Variants in TULP4 observed in about 807,000 individuals in gnomAD.
TULP4 encodes tubby-related protein 4.
A neutral mutation model predicts 129.0 loss-of-function variants in TULP4; 16 were observed. That is an observed-to-expected ratio of 0.12 (90% CI 0.08 to 0.19). The LOEUF (loss-of-function observed/expected upper bound fraction) is 0.19. Ranked by LOEUF, TULP4 falls within the 10% of genes least tolerant of loss-of-function variation. The pLI, the probability that TULP4 is intolerant of heterozygous loss-of-function variation, is 1.00. For missense variants in TULP4, 1,842 were observed against 2,059.1 expected, an observed-to-expected ratio of 0.89 and a Z score of 2.04; for synonymous variants, 998 against 854.0, an observed-to-expected ratio of 1.17 and a Z score of -2.94.
chr6:158,330,745 A>C (rs1419690010), intron 1 of TULP4, among the ~76,000 whole-genome samples: 1 of 152,208 alleles, frequency 6.6e-6, no homozygotes, highest in Non-Finnish European at 1.5e-5. Context: ...CACAGGATAC[A>C]GTTTAGGACC....
Position 158,487,588 on chromosome 6 carries a change from A to C in TULP4, c.1487-2000A>C, listed in dbSNP as rs117516717. On this transcript the variant is annotated intron_variant, in intron 8 of 13. Coordinates refer to ENST00000367097, the MANE Select transcript of TULP4 (RefSeq NM_020245.5). Reference sequence around the variant, plus strand: ...CCCAGCTTACATTTTTCTACGACTTAGATGTTTTTCCAGAACAGCCATGAT... The same window carrying C: ...CCCAGCTTACATTTTTCTACGACTTCGATGTTTTTCCAGAACAGCCATGAT... Among the ~76,000 whole-genome samples the C allele has an allele frequency of 2.8e-3, 424 of 152,368 alleles. 2 individuals carry two copies. Among genetic ancestry groups the C allele is most frequent in the Non-Finnish European group, 4.5e-3 (303 of 68,036 alleles).
At chr6:158,485,334 C>T (rs907385144) in intron 8 of TULP4, among the ~76,000 whole-genome samples, 43 of 152,116 alleles carry the variant, frequency 2.8e-4, no homozygotes, top group African/African-American at 1.0e-3. Flanking sequence ...TTAGACTATT[C>T]ATATTGCAAA....
rs1309955354 is a variant in TULP4 at position 158,508,431 on chromosome 6, C to A, written c.*1737C>A. On this transcript the variant is annotated 3_prime_UTR_variant, in exon 14 of 14. Transcript: ENST00000367097. ...CAGATCAAGATGACATGACATCACT[C>A]CCAATTCTCTCCAAACCCCAGAGAA... 6.6e-6 allele frequency: 1 copy of A among 152,198 alleles called. No individual in the cohort carries two copies. The highest frequency in any genetic ancestry group is 1.5e-5 in the Non-Finnish European group (1 of 68,032). 9.4% of individuals were successfully genotyped at this position (152,198 alleles called of 1,614,324 possible). A position where few individuals can be genotyped will look rare whatever the true frequency, so the allele number is the denominator to read the frequency against.
intron 1 of TULP4, among the ~76,000 whole-genome samples, chr6:158,297,415 A>G (rs1224540026): frequency 6.6e-6 from 1 of 152,192 alleles, no homozygotes; most frequent in East Asian, 1.9e-4. Context: ...TTGTACAGTT[A>G]ACGCAATCAT....
At chr6:158,323,680 T>C (rs1385660617) in intron 1 of TULP4, among the ~76,000 whole-genome samples, 1 of 152,194 alleles carries the variant, frequency 6.6e-6, no homozygotes, top group Non-Finnish European at 1.5e-5. Context: ...TAGCTGGTAA[T>C]AGGGACTGAG....
At chr6:158,410,492 T>G (rs1234056610) in intron 1 of TULP4, among the ~76,000 whole-genome samples, 4 of 152,194 alleles carry the variant, frequency 2.6e-5, no homozygotes, top group African/African-American at 7.2e-5. Context: ...AGGAAATAAT[T>G]TAAAAACTGA....
rs144943704 is a variant in TULP4 at position 158,404,321 on chromosome 6, A to C, written c.253-8744A>C. Among the ~76,000 whole-genome samples, 368 of 152,276 alleles carry C rather than the reference A, an allele frequency of 2.4e-3. 2 individuals carry two copies. The highest frequency in any genetic ancestry group is 8.7e-3 in the African/African-American group (360 of 41,560). On this transcript the variant is annotated intron_variant, in intron 1 of 13. Transcript: ENST00000367097. ...CATAAGTATTGAGTGATAGTTTCTA[A>C]CCATACCTGCTTCTTAGGTTTGAAG...
chr6:158,366,894 C>G (rs1378495607), intron 1 of TULP4, among the ~76,000 whole-genome samples: 4 of 152,210 alleles, frequency 2.6e-5, no homozygotes, highest in East Asian at 1.9e-4. Context: ...GAGAATTTAC[C>G]TATGACCAAT....
At chr6:158,486,184 A>G (rs527286732) in intron 8 of TULP4, among the ~76,000 whole-genome samples, 5 of 152,146 alleles carry the variant, frequency 3.3e-5, no homozygotes, top group East Asian at 1.9e-4. Flanking sequence ...CTGACTCCCA[A>G]TGTGACTGTA....
intron 2 of TULP4, among the ~76,000 whole-genome samples, chr6:158,427,409 A>G (rs1226715993): frequency 6.7e-6 from 1 of 149,562 alleles, no homozygotes; most frequent in Non-Finnish European, 1.5e-5. Context: ...ATTAACAACT[A>G]CTTGCCAGCA....
intron 1 of TULP4, among the ~76,000 whole-genome samples, chr6:158,410,980 A>G (rs1466427183): frequency 6.6e-6 from 1 of 152,164 alleles, no homozygotes; most frequent in Non-Finnish European, 1.5e-5. Flanking sequence ...CTGGTTTATC[A>G]TAGGCAGGCA....
chr6:158,349,915 G>C (rs1780461439), intron 1 of TULP4, among the ~76,000 whole-genome samples: 1 of 142,448 alleles, frequency 7.0e-6, no homozygotes, highest in Non-Finnish European at 1.5e-5. Flanking sequence ...CGGCCGGGCA[G>C]AGGCACTCCC....
Position 158,380,894 on chromosome 6 carries a change from C to CAAA in TULP4, c.253-32155_253-32153dup, listed in dbSNP as rs1227720723. Reference sequence around the variant, plus strand: ...GGGCGACAGAGCAAGACTCTGTCTCCAAAAAAAAAAAAAAAAAAGAAGAAG... The same window carrying CAAA: ...GGGCGACAGAGCAAGACTCTGTCTCCAAAAAAAAAAAAAAAAAAAAAGAAGAAG... On this transcript the variant is annotated intron_variant, in intron 1 of 13. Coordinates refer to ENST00000367097, the MANE Select transcript of TULP4 (RefSeq NM_020245.5). 8.2e-4 allele frequency among the ~76,000 whole-genome samples: 59 copies of CAAA among 72,246 alleles called. 1 individual carries two copies. Among genetic ancestry groups the CAAA allele is most frequent in the African/African-American group, 2.6e-3 (45 of 17,586 alleles). The allele number at this position is 72,246 out of a possible 152,430, so 47.4% of individuals were successfully genotyped here.
chr6:158,261,078 CA>C (rs1778344896), intron 1 of TULP4, among the ~76,000 whole-genome samples: 1 of 152,008 alleles, frequency 6.6e-6, no homozygotes, highest in Admixed American at 6.6e-5. Flanking sequence ...TTCAGCATCC[CA>C]GAGCGCTGGG....
Position 158,479,935 on chromosome 6 carries a change from T to A in TULP4, c.1211T>A (p.Leu404His). ...AGCAAGCTGACTCTGCCCCCCCGCC[T>A]CTGCTCCTACCTCTCCACTGCCTTC... is the stretch of plus-strand genomic sequence containing the variant. ...DVSKLTLPPR[L>H]CSYLSTAFIP... Residue 404 changes from leucine (L) to histidine (H), a missense_variant, in exon 7 of 14, where the codon CTC becomes CAC. Coordinates refer to ENST00000367097, the MANE Select transcript of TULP4 (RefSeq NM_020245.5). 1.2e-6 allele frequency: 2 copies of A among 1,610,614 alleles called. No individual in the cohort carries two copies. Among genetic ancestry groups the A allele is most frequent in the Non-Finnish European group, 1.7e-6 (2 of 1,179,922 alleles).
At chr6:158,453,485 CAAAAAAAAAA>C (rs869146924) in intron 5 of TULP4, among the ~76,000 whole-genome samples, 32 of 17,978 alleles carry the variant, frequency 1.8e-3, no homozygotes, top group Admixed American at 3.9e-3. Context: ...CTCTGTCTCA[CAAAAAAAAAA>C]AAAAAAAAAA....
intron 1 of TULP4, among the ~76,000 whole-genome samples, chr6:158,262,106 G>T (rs1383587142): frequency 6.6e-6 from 1 of 152,202 alleles, no homozygotes; most frequent in Non-Finnish European, 1.5e-5. Context: ...TGGGTAGAGG[G>T]CTGGCAGTCT....
In TULP4 at chr6:158,509,912, T is replaced by G. The variant is rs1219965764; in HGVS notation, c.*3218T>G. ...TCTGTTGACTAAATACGACGAAAAT[T>G]CATACTTTATGCAGGAGATTTCTAA... On this transcript the variant is annotated 3_prime_UTR_variant, in exon 14 of 14. Transcript: ENST00000367097. The G allele has an allele frequency of 2.0e-5, 3 of 152,250 alleles. No homozygotes were observed. Among genetic ancestry groups the G allele is most frequent in the Admixed American group, 2.0e-4 (3 of 15,288 alleles). 9.4% of individuals were successfully genotyped at this position (152,250 alleles called of 1,614,324 possible). A position where few individuals can be genotyped will look rare whatever the true frequency, so the allele number is the denominator to read the frequency against.
At chr6:158,235,400 C>T (rs994414849) in intron 1 of TULP4, among the ~76,000 whole-genome samples, 1 of 152,184 alleles carries the variant, frequency 6.6e-6, no homozygotes, top group Admixed American at 6.5e-5. Context: ...CTAGGTACCT[C>T]ATGTAAGTGC....
Sources: gnomAD v4.1 joint callset for allele counts (sites outside exome capture counted in the v4.1 genomes callset) on GRCh38, gnomAD v4.1.1 for gene constraint, MANE v1.5 for transcripts, NCBI Gene and HGNC (gene_info 2026-07-23, HGNC 2026-07-21) for gene names.